Variants in GALNT13 observed in about 807,000 individuals in gnomAD.
GALNT13 encodes polypeptide N-acetylgalactosaminyltransferase 13.
In GALNT13, 28 loss-of-function variants were observed where a neutral mutation model predicts 64.2. The ratio of observed to expected loss-of-function variants is 0.44; its 90% CI spans 0.32 to 0.60. The LOEUF (loss-of-function observed/expected upper bound fraction) is 0.60, where lower values mean the gene tolerates loss of function less well. GALNT13 is among the 20% of genes least tolerant of loss of function. The pLI, the probability that GALNT13 is intolerant of heterozygous loss-of-function variation, is 0.05. For missense variants in GALNT13, 577 were observed against 669.8 expected (o/e 0.86, Z 1.53); for synonymous variants, 214 against 224.6 (o/e 0.95, Z 0.42).
chr2:153,986,061 A>G (rs1317497167), intron 3 of GALNT13, among the ~76,000 whole-genome samples: 1 of 152,060 alleles, frequency 6.6e-6, no homozygotes, highest in African/African-American at 2.4e-5. Context: ...GTGATGAGGT[A>G]CGGAAATATC....
chr2:153,985,567 T>C (rs780611466), intron 3 of GALNT13, among the ~76,000 whole-genome samples: 2 of 151,992 alleles, frequency 1.3e-5, no homozygotes, highest in South Asian at 4.1e-4. Context: ...CCCGGCATAA[T>C]AGTTACCTCA....
At chr2:153,997,088 T>C (rs1695570805) in intron 3 of GALNT13, among the ~76,000 whole-genome samples, 1 of 152,138 alleles carries the variant, frequency 6.6e-6, no homozygotes, top group Non-Finnish European at 1.5e-5. Context: ...TGTGGTATAT[T>C]TTGAAATCAG....
the GALNT13 span, among the ~76,000 whole-genome samples, chr2:153,177,766 CATT>C: frequency 6.6e-6 from 1 of 152,080 alleles, no homozygotes; most frequent in Non-Finnish European, 1.5e-5. Flanking sequence ...GTGTGTACTA[CATT>C]ATTATTTACT....
chr2:154,391,533 C>A, intron 9 of GALNT13, among the ~76,000 whole-genome samples: 1 of 152,120 alleles, frequency 6.6e-6, no homozygotes, highest in East Asian at 1.9e-4. Flanking sequence ...GCAATGAAAC[C>A]AGCCCCATCC....
At chr2:153,625,421 A>T in the GALNT13 span, among the ~76,000 whole-genome samples, 1 of 152,168 alleles carries the variant, frequency 6.6e-6, no homozygotes, top group Non-Finnish European at 1.5e-5. Context: ...CCTGTAACAA[A>T]ACACTGTGAC....
At chr2:154,296,658 T>C (rs1423907602) in intron 8 of GALNT13, among the ~76,000 whole-genome samples, 1 of 152,150 alleles carries the variant, frequency 6.6e-6, no homozygotes, top group Non-Finnish European at 1.5e-5. Context: ...GAGAGAGGAA[T>C]ACAAATAAAC....
At chr2:153,697,984 C>G in the GALNT13 span, among the ~76,000 whole-genome samples, 1 of 152,170 alleles carries the variant, frequency 6.6e-6, no homozygotes, top group Non-Finnish European at 1.5e-5. Flanking sequence ...AATTTCATAT[C>G]CGGCCAAACT....
At chr2:153,883,461 T>A (rs1014404716) in intron 1 of GALNT13, among the ~76,000 whole-genome samples, 2 of 152,024 alleles carry the variant, frequency 1.3e-5, no homozygotes, top group Admixed American at 6.6e-5. Context: ...AGGGTAGAAT[T>A]AAGACATTTT....
the GALNT13 span, among the ~76,000 whole-genome samples, chr2:153,827,109 C>T: frequency 5.9e-5 from 9 of 151,862 alleles, no homozygotes; most frequent in South Asian, 4.2e-4. Flanking sequence ...ACAATCATGG[C>T]GGAAGGCAAG....
chr2:153,793,654 T>TA, the GALNT13 span, among the ~76,000 whole-genome samples: 1,071 of 147,084 alleles, frequency 7.3e-3, 16 homozygotes, highest in African/African-American at 0.024. Flanking sequence ...TATTTTGCTT[T>TA]AAAAAAAAAA....
chr2:153,364,276 A>G, the GALNT13 span, among the ~76,000 whole-genome samples: 2 of 152,172 alleles, frequency 1.3e-5, no homozygotes, highest in Admixed American at 6.5e-5. Context: ...TCCACAGCCA[A>G]TATCATACTG....
At chr2:153,731,075 T>C in the GALNT13 span, among the ~76,000 whole-genome samples, 1 of 151,334 alleles carries the variant, frequency 6.6e-6, no homozygotes, top group Admixed American at 6.6e-5. Context: ...TATATATATG[T>C]GTGTGTGTGT....
At chr2:154,251,104 A>G (rs1690045933) in intron 7 of GALNT13, among the ~76,000 whole-genome samples, 1 of 152,096 alleles carries the variant, frequency 6.6e-6, no homozygotes, top group Non-Finnish European at 1.5e-5. Flanking sequence ...ATAATTTGGG[A>G]GACTTTCTTA....
chr2:153,766,115 A>T, the GALNT13 span, among the ~76,000 whole-genome samples: 1 of 151,614 alleles, frequency 6.6e-6, no homozygotes, highest in African/African-American at 2.4e-5. Context: ...CTGAAAGACA[A>T]CTTTGTTGGA....
chr2:153,234,201 A>T, the GALNT13 span, among the ~76,000 whole-genome samples: 2 of 152,168 alleles, frequency 1.3e-5, no homozygotes, highest in African/African-American at 4.8e-5. Context: ...CATTCCATGC[A>T]TTTGGGTCTC....
At chr2:154,195,643 C>G (rs907342888) in intron 4 of GALNT13, among the ~76,000 whole-genome samples, 1 of 151,950 alleles carries the variant, frequency 6.6e-6, no homozygotes, top group African/African-American at 2.4e-5. Flanking sequence ...TTGTTTAGTG[C>G]AAGGCCTTCC....
At chr2:153,645,864 G>C in the GALNT13 span, among the ~76,000 whole-genome samples, 1 of 152,010 alleles carries the variant, frequency 6.6e-6, no homozygotes, top group East Asian at 1.9e-4. Context: ...GCAGCAGGGA[G>C]AATTGTTGTT....
chr2:153,841,282 A>C, the GALNT13 span, among the ~76,000 whole-genome samples: 5 of 152,138 alleles, frequency 3.3e-5, no homozygotes, highest in Non-Finnish European at 7.4e-5. Context: ...CCACCTTTAA[A>C]AATACATAGC....
chr2:154,023,606 C>T (rs1274288168), intron 3 of GALNT13, among the ~76,000 whole-genome samples: 4 of 152,146 alleles, frequency 2.6e-5, no homozygotes, highest in Admixed American at 6.5e-5. Context: ...GTGAGATGGG[C>T]TTCCTGAATA....
Sources: allele counts gnomAD v4.1 joint callset (sites outside exome capture counted in the v4.1 genomes callset), GRCh38; gene constraint gnomAD v4.1.1; transcripts MANE v1.5; gene names NCBI Gene and HGNC (gene_info 2026-07-23, HGNC 2026-07-21).